MTMR7: variants seen among roughly 807,000 people sequenced by gnomAD.
MTMR7 encodes the protein myotubularin related protein 7, also known as phosphatidylinositol-3-phosphate phosphatase MTMR7.
A neutral mutation model predicts 81.2 loss-of-function variants in MTMR7; 76 were observed. The observed-to-expected ratio is 0.94, with a 90% CI of 0.78 to 1.13. MTMR7 has a LOEUF of 1.13. Among genes scored for constraint, MTMR7 ranks in the 50% most tolerant of loss-of-function variants. The probability of loss-of-function intolerance (pLI) is 0.00; values close to 1 mark genes in which losing one functional copy is unlikely to be tolerated. For synonymous variants in MTMR7, 372 were observed against 289.8 expected (o/e 1.28, Z -2.88); for missense variants, 1,044 against 820.0 (o/e 1.27, Z -3.34).
At chr8:17,376,347 C>A (rs563405701) in intron 1 of MTMR7, among the ~76,000 whole-genome samples, 2 of 152,326 alleles carry the variant, frequency 1.3e-5, no homozygotes, top group African/African-American at 4.8e-5. Flanking sequence ...AGTTGATAGA[C>A]ATTTCAGTTG....
chr8:17,409,198 C>G (rs1248903375), intron 1 of MTMR7, among the ~76,000 whole-genome samples: 1 of 152,110 alleles, frequency 6.6e-6, no homozygotes, highest in African/African-American at 2.4e-5. Flanking sequence ...GTGGCTCAAA[C>G]CTGCAATCCC....
At chr8:17,302,359 T>C in intron 12 of MTMR7, 79 bp from the exon 13 acceptor site, 2 of 1,433,698 alleles carry the variant, frequency 1.4e-6, no homozygotes, top group Non-Finnish European at 1.9e-6. Flanking sequence ...CTAAGGTATC[T>C]ATGATACCAC....
At chr8:17,334,177 A>G (rs190313810) in intron 6 of MTMR7, among the ~76,000 whole-genome samples, 1 of 152,142 alleles carries the variant, frequency 6.6e-6, no homozygotes, top group Non-Finnish European at 1.5e-5. Context: ...GCTGAAGTGT[A>G]ATTTCTTAGG....
At position 17,372,491 on chromosome 8, in the gene MTMR7, G is replaced by C. The variant is rs1820448725; in HGVS notation, c.147+627C>G. Among the ~76,000 whole-genome samples the C allele has an allele frequency of 1.3e-5, 2 of 152,100 alleles. 1 individual carries two copies. Among genetic ancestry groups the C allele is most frequent in the South Asian group, 4.1e-4 (2 of 4,822 alleles). On this transcript the variant is annotated intron_variant, in intron 2 of 13. Transcript: ENST00000180173. ...TAGTCCCAGCTACTCAGGAGGCTGA[G>C]GCAGGAGAATCACTTGAACCCAGGA...
chr8:17,341,098 G>A (rs1819394882), intron 6 of MTMR7, among the ~76,000 whole-genome samples: 1 of 152,184 alleles, frequency 6.6e-6, no homozygotes, highest in Non-Finnish European at 1.5e-5. Flanking sequence ...CCAAAATGAA[G>A]CCACATTCAT....
At chr8:17,384,963 C>A (rs1397979419) in intron 1 of MTMR7, among the ~76,000 whole-genome samples, 1 of 152,134 alleles carries the variant, frequency 6.6e-6, no homozygotes, top group African/African-American at 2.4e-5. Flanking sequence ...GAGACTCTAC[C>A]TTTCACGAAA....
intron 4 of MTMR7, among the ~76,000 whole-genome samples, chr8:17,357,439 G>C (rs577001873): frequency 2.8e-4 from 42 of 152,280 alleles, no homozygotes; most frequent in African/African-American, 9.1e-4. Context: ...ACCAAGTACA[G>C]ACAGTATAAA....
At chr8:17,303,512 A>G (rs1383847597) in intron 12 of MTMR7, among the ~76,000 whole-genome samples, 1 of 152,156 alleles carries the variant, frequency 6.6e-6, no homozygotes, top group African/African-American at 2.4e-5. Flanking sequence ...TACAAGCCTA[A>G]CAAGGAAGCC....
intron 3 of MTMR7, among the ~76,000 whole-genome samples, chr8:17,368,912 T>C (rs536839123): frequency 6.6e-6 from 1 of 152,266 alleles, no homozygotes; most frequent in African/African-American, 2.4e-5. Context: ...CCTTCATCTT[T>C]TAAGGAAAAA....
chr8:17,319,157 G>A (rs1440910653), intron 7 of MTMR7, among the ~76,000 whole-genome samples: 2 of 152,216 alleles, frequency 1.3e-5, no homozygotes, highest in Non-Finnish European at 2.9e-5. Flanking sequence ...AAGGGCTTCA[G>A]AGGCAGACAC....
intron 4 of MTMR7, among the ~76,000 whole-genome samples, chr8:17,354,653 C>T (rs1346213595): frequency 6.6e-6 from 1 of 152,138 alleles, no homozygotes; most frequent in Admixed American, 6.5e-5. Context: ...CATCAAATGA[C>T]ACTTCCTGAC....
Position 17,327,565 on chromosome 8 carries a change from G to A in MTMR7, c.865+3585C>T, listed in dbSNP as rs112952974. ...CCCAAAGTGCTGGGATTATAGGCAT[G>A]AGCCTCCATGCCCTTCCTGTATCTT... On this transcript the variant is annotated intron_variant, in intron 7 of 13. Coordinates refer to ENST00000180173, the MANE Select transcript of MTMR7 (RefSeq NM_004686.5). Among the ~76,000 whole-genome samples the A allele has an allele frequency of 3.2e-3, 489 of 152,248 alleles. 4 individuals are homozygous for A. The highest frequency in any genetic ancestry group is 0.011 in the African/African-American group (453 of 41,534).
intron 1 of MTMR7, among the ~76,000 whole-genome samples, chr8:17,378,187 G>C (rs943719000): frequency 6.6e-6 from 1 of 152,012 alleles, no homozygotes; most frequent in African/African-American, 2.4e-5. Flanking sequence ...GTTCCTACAG[G>C]TCCCAGAGCT....
chr8:17,335,331 G>T (rs1242850433), intron 6 of MTMR7, among the ~76,000 whole-genome samples: 4 of 152,150 alleles, frequency 2.6e-5, no homozygotes, highest in Admixed American at 6.5e-5. Flanking sequence ...CTGCATAAAT[G>T]ACTGGATAAC....
intron 1 of MTMR7, among the ~76,000 whole-genome samples, chr8:17,403,810 G>C (rs1397394254): frequency 1.3e-5 from 2 of 151,674 alleles, no homozygotes; most frequent in Non-Finnish European, 2.9e-5. Flanking sequence ...TTGTTTCCTA[G>C]GTATTTTATA....
rs1821530815 is a variant in MTMR7, at chr8:17,404,825, G to GT, written c.24+8443dup. On this transcript the variant is annotated intron_variant, in intron 1 of 13. Coordinates refer to ENST00000180173, the MANE Select transcript of MTMR7 (RefSeq NM_004686.5). Reference sequence around the variant, plus strand: ...GTTGGTTTTGTTTTGTTGTTGTTTTGTTTTTGTTTTGTTTTGTTGAGACGG... The same window carrying GT: ...GTTGGTTTTGTTTTGTTGTTGTTTTGTTTTTTGTTTTGTTTTGTTGAGACGG... 3.9e-5 allele frequency among the ~76,000 whole-genome samples: 6 copies of GT among 152,094 alleles called. No individual in the cohort carries two copies. The South Asian group carries it at 1.2e-3, about 32-fold the overall frequency.
chr8:17,410,065 C>T (rs1181852914), intron 1 of MTMR7, among the ~76,000 whole-genome samples: 1 of 152,056 alleles, frequency 6.6e-6, no homozygotes, highest in Non-Finnish European at 1.5e-5. Context: ...GGAAACTTAG[C>T]AGGGAAGTAG....
chr8:17,304,838 A>G (rs956089715), intron 11 of MTMR7, among the ~76,000 whole-genome samples: 7 of 151,666 alleles, frequency 4.6e-5, no homozygotes, highest in African/African-American at 1.7e-4. Flanking sequence ...GTCACACACT[A>G]TTCTAAATGT....
At chr8:17,311,163 T>C (rs1224275286) in intron 9 of MTMR7, among the ~76,000 whole-genome samples, 1 of 152,202 alleles carries the variant, frequency 6.6e-6, no homozygotes, top group Non-Finnish European at 1.5e-5. Flanking sequence ...TTCTAAAAAG[T>C]CTTCTGTTAC....
Sources: allele counts gnomAD v4.1 joint callset (sites outside exome capture counted in the v4.1 genomes callset), GRCh38; gene constraint gnomAD v4.1.1; transcripts MANE v1.5; gene names NCBI Gene and HGNC (gene_info 2026-07-23, HGNC 2026-07-21).